MYBL2: variants seen among roughly 807,000 people sequenced by gnomAD.
MYBL2 encodes myb-related protein B.
In MYBL2, 28 loss-of-function variants were observed where a neutral mutation model predicts 79.9. The ratio of observed to expected loss-of-function variants is 0.35; its 90% confidence interval spans 0.26 to 0.48. MYBL2 has a LOEUF of 0.48. Ranked by LOEUF, MYBL2 falls within the 20% of genes least tolerant of loss-of-function variation. The probability of loss-of-function intolerance (pLI) is 0.99; values close to 1 mark genes in which losing one functional copy is unlikely to be tolerated. For synonymous variants in MYBL2, 378 were observed against 361.2 expected, an observed-to-expected ratio of 1.05 and a Z score of -0.53; for missense variants, 735 against 893.9, an observed-to-expected ratio of 0.82 and a Z score of 2.27.
rs113075348 is a variant in MYBL2, at chr20:43,684,294, A to G, written c.279+1408A>G. ...GCTCTGTCGTCCAGGCTGGAGTGCA[A>G]TGGCGTGATCTTGGCTTACTGCAAC... On this transcript the variant is annotated intron_variant, in intron 4 of 13. Coordinates refer to ENST00000217026, the MANE Select transcript of MYBL2 (RefSeq NM_002466.4). Among the ~76,000 whole-genome samples the G allele has an allele frequency of 8.7e-3, 1,314 of 151,050 alleles. 10 individuals carry two copies. The highest frequency in any genetic ancestry group is 0.03 in the African/African-American group (1,235 of 41,096).
At chr20:43,713,176 T>C (rs954522345) in intron 12 of MYBL2, 70 bp downstream of exon 12, 11 of 1,280,712 alleles carry the variant, frequency 8.6e-6, no homozygotes, top group Non-Finnish European at 1.2e-5. Flanking sequence ...GTGTAGTGAC[T>C]CTCCAACTGG....
At chr20:43,711,104 AC>A (rs1001088685) in intron 10 of MYBL2, among the ~76,000 whole-genome samples, 3 of 152,166 alleles carry the variant, frequency 2.0e-5, no homozygotes, top group African/African-American at 4.8e-5. Flanking sequence ...TTAGTGTGGA[AC>A]AAAGGGTTGA....
At chr20:43,711,056 C>T (rs1418379299) in intron 10 of MYBL2, among the ~76,000 whole-genome samples, 5 of 152,166 alleles carry the variant, frequency 3.3e-5, no homozygotes, top group Admixed American at 1.3e-4. Flanking sequence ...CTTGGAACCC[C>T]GAGGCCTGAG....
Position 43,712,993 on chromosome 20 carries a change from A to T in MYBL2, c.1720-9A>T. On this transcript the variant is annotated splice_polypyrimidine_tract_variant and intron_variant, in intron 11 of 13. Coordinates refer to ENST00000217026, the MANE Select transcript of MYBL2 (RefSeq NM_002466.4). ...TCACCCTAACCCCCTTCTATCTGCC[A>T]ACCCCTAGCTGCGGCGGAGCCCCAT... is the stretch of plus-strand genomic sequence containing the variant. The T allele has an allele frequency of 6.2e-7, 1 of 1,604,224 alleles. No homozygotes were observed. Among genetic ancestry groups the T allele is most frequent in the East Asian group, 2.2e-5 (1 of 44,828 alleles).
chr20:43,713,198 C>CGGGGG, intron 12 of MYBL2, 92 bp downstream of exon 12: 2 of 1,051,076 alleles, frequency 1.9e-6, no homozygotes, highest in Non-Finnish European at 1.4e-6. Flanking sequence ...CTTCTGGAAC[C>CGGGGG]CTGGGCTCTG....
intron 1 of MYBL2, among the ~76,000 whole-genome samples, chr20:43,672,911 T>G (rs1293429616): frequency 6.6e-6 from 1 of 152,208 alleles, no homozygotes; most frequent in Non-Finnish European, 1.5e-5. Context: ...AGTCTGATTT[T>G]GAACATAATA....
At chr20:43,706,719 G>GTGTTTTTTTTGTT (rs1987791193) in intron 9 of MYBL2, among the ~76,000 whole-genome samples, 20 of 70,780 alleles carry the variant, frequency 2.8e-4, no homozygotes, top group African/African-American at 1.2e-3. Flanking sequence ...AAAAAAAAAA[G>GTGTTTTTTTTGTT]TTTTTTTTTT....
chr20:43,697,470 G>C (rs1318490704), intron 6 of MYBL2, among the ~76,000 whole-genome samples: 1 of 151,488 alleles, frequency 6.6e-6, no homozygotes, highest in Non-Finnish European at 1.5e-5. Context: ...AATTAACCGG[G>C]TGTGGTGGTG....
chr20:43,702,994 T>C, intron 8 of MYBL2, 91 bp downstream of exon 8: 1 of 1,368,712 alleles, frequency 7.3e-7, no homozygotes, highest in Non-Finnish European at 9.9e-7. Context: ...GAGACCTGGC[T>C]CTGCCCTCAT....
Position 43,687,090 on chromosome 20 carries a change from G to A in MYBL2, c.500+18G>A, listed in dbSNP as rs1987295114. The A allele has an allele frequency of 6.2e-7, 1 of 1,608,712 alleles. No homozygotes were observed. Among genetic ancestry groups the A allele is most frequent in the South Asian group, 1.1e-5 (1 of 90,668 alleles). ...CCAGGGAGGTAAGCTGTCTTCTTGGGGGTTGGGACAGGTTCCCGGGAGGCC... is the reference window on the plus strand; with the variant it reads ...CCAGGGAGGTAAGCTGTCTTCTTGGAGGTTGGGACAGGTTCCCGGGAGGCC... On this transcript the variant is annotated intron_variant, in intron 5 of 13. Coordinates refer to ENST00000217026, the MANE Select transcript of MYBL2 (RefSeq NM_002466.4).
At chr20:43,715,096 C>T (rs367724805) in intron 12 of MYBL2, 38 bp from the exon 13 acceptor site, 57 of 1,608,622 alleles carry the variant, frequency 3.5e-5, no homozygotes, top group Admixed American at 5.0e-5. Context: ...CACAGCTTCT[C>T]GCAAAATGGT....
At chr20:43,710,268 C>G (rs1417249083) in intron 10 of MYBL2, among the ~76,000 whole-genome samples, 1 of 152,220 alleles carries the variant, frequency 6.6e-6, no homozygotes, top group Non-Finnish European at 1.5e-5. Flanking sequence ...CCTGAGTTTG[C>G]AAGCACGCGC....
chr20:43,673,536 C>G, intron 1 of MYBL2: 2 of 480,300 alleles, frequency 4.2e-6, no homozygotes, highest in Non-Finnish European at 8.0e-6. Flanking sequence ...ACTTAGGAGG[C>G]TGGGGCGGGA....
chr20:43,705,120 G>T, intron 8 of MYBL2, 99 bp from the exon 9 acceptor site: 1 of 1,470,370 alleles, frequency 6.8e-7, no homozygotes, highest in Non-Finnish European at 9.2e-7. Flanking sequence ...AGACGTTTTG[G>T]GGGAGAGGCT....
At chr20:43,678,667 G>A (rs1987072692) in intron 2 of MYBL2, among the ~76,000 whole-genome samples, 1 of 151,906 alleles carries the variant, frequency 6.6e-6, no homozygotes, top group Non-Finnish European at 1.5e-5. Flanking sequence ...GACCAGCCTG[G>A]CCAACATGGC....
At chr20:43,677,287 G>A (rs1027349088) in intron 2 of MYBL2, among the ~76,000 whole-genome samples, 7 of 152,156 alleles carry the variant, frequency 4.6e-5, no homozygotes, top group East Asian at 1.9e-4. Flanking sequence ...GTGGTCATCC[G>A]CGGCACCGGT....
chr20:43,700,077 A>G (rs1311859772), intron 7 of MYBL2, 33 bp downstream of exon 7: 2 of 1,600,640 alleles, frequency 1.2e-6, no homozygotes, highest in Non-Finnish European at 1.7e-6. Flanking sequence ...CAGTGAGCAC[A>G]GAACACCCCC....
chr20:43,709,264 C>G (rs1304468914), intron 9 of MYBL2, among the ~76,000 whole-genome samples: 1 of 152,178 alleles, frequency 6.6e-6, no homozygotes, highest in Non-Finnish European at 1.5e-5. Flanking sequence ...GTTTGTGGAA[C>G]CTGGTAGCTT....
chr20:43,701,440 A>G (rs539453171), intron 7 of MYBL2, among the ~76,000 whole-genome samples: 1 of 152,160 alleles, frequency 6.6e-6, no homozygotes, highest in Admixed American at 6.5e-5. Context: ...AGAAGCCAGA[A>G]CCCAAAGACC....
Sources: allele counts gnomAD v4.1 joint callset (sites outside exome capture counted in the v4.1 genomes callset), GRCh38; gene constraint gnomAD v4.1.1; transcripts MANE v1.5; gene names NCBI Gene and HGNC (gene_info 2026-07-23, HGNC 2026-07-21).